The following SCD5 variants were observed in gnomAD, a reference collection of about 807,000 sequenced individuals.
SCD5 encodes the protein acyl-CoA-desaturase 4.
A neutral mutation model predicts 30.4 loss-of-function variants in SCD5; 20 were observed. The observed-to-expected ratio is 0.66, with a 90% confidence interval of 0.46 to 0.96. The LOEUF (loss-of-function observed/expected upper bound fraction) is 0.96. SCD5 is among the 40% of genes least tolerant of loss of function. The probability of loss-of-function intolerance (pLI) is 0.00; values close to 1 mark genes in which losing one functional copy is unlikely to be tolerated. For missense variants in SCD5, 381 were observed against 443.3 expected (o/e 0.86, Z 1.26); for synonymous variants, 173 against 176.4 (o/e 0.98, Z 0.16).
intron 1 of SCD5, among the ~76,000 whole-genome samples, chr4:82,761,598 A>G (rs1560556203): frequency 6.6e-6 from 1 of 151,530 alleles, no homozygotes; most frequent in Non-Finnish European, 1.5e-5. Context: ...TTATTATTAT[A>G]CTTTAAGTTT....
Position 82,680,697 on chromosome 4 carries a change from A to G in SCD5, c.569+10T>C. The G allele has an allele frequency of 6.2e-7, 1 of 1,613,960 alleles. No homozygotes were observed. The highest frequency in any genetic ancestry group is 8.5e-7 in the Non-Finnish European group (1 of 1,179,886). On this transcript the variant is annotated intron_variant, in intron 3 of 4. Transcript: ENST00000319540. ...TGAGGGACAGCTCTCCGTCATGCCC[A>G]TTCACTTACTTTCTCTGGATCCGGA...
intron 2 of SCD5, among the ~76,000 whole-genome samples, chr4:82,683,987 C>A (rs1728636436): frequency 6.6e-6 from 1 of 152,198 alleles, no homozygotes; most frequent in African/African-American, 2.4e-5. Context: ...TAATACATGG[C>A]TGTTTAATTC....
At chr4:82,730,936 T>C (rs1262788604) in intron 1 of SCD5, among the ~76,000 whole-genome samples, 1 of 152,180 alleles carries the variant, frequency 6.6e-6, no homozygotes, top group Non-Finnish European at 1.5e-5. Flanking sequence ...GAACGACTGC[T>C]TCTTCCAGGG....
intron 1 of SCD5, among the ~76,000 whole-genome samples, chr4:82,790,348 A>G (rs929009629): frequency 6.6e-6 from 1 of 152,150 alleles, no homozygotes; most frequent in African/African-American, 2.4e-5. Context: ...TTCACCACTG[A>G]GCAGAGACCT....
At chr4:82,729,009 AT>A (rs1720569342) in intron 1 of SCD5, among the ~76,000 whole-genome samples, 1 of 152,112 alleles carries the variant, frequency 6.6e-6, no homozygotes, top group South Asian at 2.1e-4. Flanking sequence ...AGGAATGGGA[AT>A]TTTCCAGGCA....
intron 2 of SCD5, among the ~76,000 whole-genome samples, chr4:82,695,437 T>C (rs1214628076): frequency 6.6e-6 from 1 of 152,202 alleles, no homozygotes; most frequent in Non-Finnish European, 1.5e-5. Flanking sequence ...ATTCAAGATG[T>C]AATTTAGTGA....
chr4:82,640,447 T>C (rs1727519254), intron 3 of SCD5, among the ~76,000 whole-genome samples: 1 of 152,162 alleles, frequency 6.6e-6, no homozygotes, highest in East Asian at 1.9e-4. Context: ...ACTTCTGGGG[T>C]TATTCTCTGT....
chr4:82,782,437 C>G (rs113312805), intron 1 of SCD5, among the ~76,000 whole-genome samples: 600 of 152,192 alleles, frequency 3.9e-3, no homozygotes, highest in Non-Finnish European at 6.7e-3. Context: ...GCTGGTCCTT[C>G]CTGGGAAGCA....
intron 1 of SCD5, chr4:82,775,951 T>A (rs1183314433): frequency 6.6e-6 from 1 of 152,460 alleles, no homozygotes; most frequent in African/African-American, 2.4e-5. Flanking sequence ...GCTTTCTAAG[T>A]GTGAAGCTAC....
intron 3 of SCD5, among the ~76,000 whole-genome samples, chr4:82,675,131 A>ACAGTGACGTGTCAATG (rs1245250679): frequency 6.6e-6 from 1 of 152,190 alleles, no homozygotes; most frequent in Non-Finnish European, 1.5e-5. Context: ...ACTTTGGGTG[A>ACAGTGACGTGTCAATG]CAGTGACGTG....
At chr4:82,762,302 G>C (rs1207393110) in intron 1 of SCD5, among the ~76,000 whole-genome samples, 1 of 151,822 alleles carries the variant, frequency 6.6e-6, no homozygotes, top group Non-Finnish European at 1.5e-5. Flanking sequence ...GCCCAGGCTG[G>C]TGTGCAGTGG....
chr4:82,785,221 T>C (rs1429688064), intron 1 of SCD5, among the ~76,000 whole-genome samples: 1 of 152,172 alleles, frequency 6.6e-6, no homozygotes, highest in African/African-American at 2.4e-5. Flanking sequence ...TGAAAGCAAT[T>C]GAAAAGAAGC....
intron 4 of SCD5, 26 bp from the exon 5 acceptor site, chr4:82,631,543 T>G (rs1294978217): frequency 3.1e-6 from 5 of 1,609,280 alleles, no homozygotes; most frequent in Non-Finnish European, 4.3e-6. Context: ...GGCATTGATA[T>G]AATTCAATCA....
chr4:82,727,867 C>T (rs968031129), intron 1 of SCD5, among the ~76,000 whole-genome samples: 8 of 152,122 alleles, frequency 5.3e-5, no homozygotes, highest in Non-Finnish European at 7.4e-5. Flanking sequence ...ACCATCACAC[C>T]CAGCTAATTT....
Position 82,644,262 on chromosome 4 carries a change from T to C in SCD5, c.570-7439A>G, listed in dbSNP as rs150518350. 6.0e-3 allele frequency among the ~76,000 whole-genome samples: 914 copies of C among 152,278 alleles called. 3 individuals are homozygous for C. Among genetic ancestry groups the C allele is most frequent in the Non-Finnish European group, 9.9e-3 (671 of 68,020 alleles). On this transcript the variant is annotated intron_variant, in intron 3 of 4. Transcript: ENST00000319540. Reference sequence around the variant, plus strand: ...GGTCCCCACTGGGCTGACGAATGTCTCCACTGAGACTGTTCAAAGCCCAGC... The same window carrying C: ...GGTCCCCACTGGGCTGACGAATGTCCCCACTGAGACTGTTCAAAGCCCAGC...
intron 1 of SCD5, among the ~76,000 whole-genome samples, chr4:82,737,412 T>C (rs1422399256): frequency 2.0e-5 from 3 of 152,180 alleles, no homozygotes; most frequent in Non-Finnish European, 4.4e-5. Context: ...TTTTCATTCA[T>C]TCTATTTATC....
chr4:82,697,805 C>A (rs1719727332), intron 2 of SCD5, among the ~76,000 whole-genome samples: 1 of 152,200 alleles, frequency 6.6e-6, no homozygotes, highest in South Asian at 2.1e-4. Flanking sequence ...CCCACCTGCA[C>A]CACTTTGTCG....
chr4:82,716,452 T>C (rs922313181), intron 1 of SCD5, among the ~76,000 whole-genome samples: 1 of 151,862 alleles, frequency 6.6e-6, no homozygotes, highest in Non-Finnish European at 1.5e-5. Flanking sequence ...GCCCTCCTTA[T>C]CCATGGGTGC....
chr4:82,701,202 T>C (rs774176650), intron 2 of SCD5, among the ~76,000 whole-genome samples: 1 of 152,214 alleles, frequency 6.6e-6, no homozygotes, highest in Admixed American at 6.5e-5. Flanking sequence ...TAAATGTATA[T>C]TGCAAATTCT....
Sources: allele counts gnomAD v4.1 joint callset (sites outside exome capture counted in the v4.1 genomes callset), GRCh38; gene constraint gnomAD v4.1.1; transcripts MANE v1.5; gene names NCBI Gene and HGNC (gene_info 2026-07-23, HGNC 2026-07-21).